The following NOX4 variants were observed in gnomAD, a reference collection of about 807,000 sequenced individuals.
The protein encoded by NOX4 is kidney oxidase-1.
NOX4 carries 69 observed loss-of-function variants against 87.6 expected under a neutral mutation model. That is an observed-to-expected ratio of 0.79 (90% CI 0.65 to 0.96). NOX4 has a LOEUF of 0.96. NOX4 is among the 40% of genes least tolerant of loss of function. NOX4 has a pLI of 0.00. For missense variants in NOX4, 680 were observed against 681.5 expected (o/e 1.00, Z 0.02); for synonymous variants, 275 against 238.2 (o/e 1.15, Z -1.42).
chr11:89,374,875 C>T (rs1207531180), intron 11 of NOX4, among the ~76,000 whole-genome samples: 1 of 152,054 alleles, frequency 6.6e-6, no homozygotes, highest in Non-Finnish European at 1.5e-5. Context: ...TAAAGCAAGT[C>T]CAAGACTTCA....
At chr11:89,411,528 C>T (rs1942476624) in intron 8 of NOX4, among the ~76,000 whole-genome samples, 1 of 152,086 alleles carries the variant, frequency 6.6e-6, no homozygotes, top group Non-Finnish European at 1.5e-5. Context: ...TGGAAGCATT[C>T]ACTACAAGCT....
At chr11:89,497,017 C>G (rs1197115940), upstream of NOX4, among the ~76,000 whole-genome samples, 4 of 152,178 alleles carry the variant, frequency 2.6e-5, no homozygotes, top group African/African-American at 9.7e-5. Flanking sequence ...GCTCCTTCCT[C>G]TACTTCATGT....
At chr11:89,346,730 T>C (rs1946230924) in intron 13 of NOX4, among the ~76,000 whole-genome samples, 1 of 152,186 alleles carries the variant, frequency 6.6e-6, no homozygotes, top group Non-Finnish European at 1.5e-5. Flanking sequence ...TGAGTTGTGC[T>C]CTCAGTCAGC....
intron 2 of NOX4, among the ~76,000 whole-genome samples, chr11:89,478,823 G>C (rs1044400770): frequency 6.6e-6 from 1 of 151,922 alleles, no homozygotes; most frequent in Non-Finnish European, 1.5e-5. Flanking sequence ...TTTTAAAAAT[G>C]TACAAAATCA....
intron 11 of NOX4, among the ~76,000 whole-genome samples, chr11:89,395,469 T>C (rs534353643): frequency 6.6e-6 from 1 of 152,324 alleles, no homozygotes; most frequent in South Asian, 2.1e-4. Context: ...TTCACTCTGA[T>C]GGTAGTTTCT....
intron 1 of NOX4, among the ~76,000 whole-genome samples, chr11:89,497,704 T>A (rs1309908233): frequency 6.6e-6 from 1 of 152,190 alleles, no homozygotes; most frequent in Non-Finnish European, 1.5e-5. Context: ...ATTGTGAAAT[T>A]CCCAAAGGCA....
chr11:89,386,047 G>C (rs1940678123), intron 11 of NOX4, among the ~76,000 whole-genome samples: 2 of 152,022 alleles, frequency 1.3e-5, no homozygotes, highest in South Asian at 4.1e-4. Context: ...ATGGACTAAT[G>C]GTCTTTTAAA....
At chr11:89,353,429 T>A (rs1337674752) in intron 13 of NOX4, among the ~76,000 whole-genome samples, 1 of 152,180 alleles carries the variant, frequency 6.6e-6, no homozygotes, top group Non-Finnish European at 1.5e-5. Flanking sequence ...AGTTTATGAC[T>A]TGCTGAAGGC....
the NOX4 span, among the ~76,000 whole-genome samples, chr11:89,566,798 G>A: frequency 2.6e-5 from 4 of 152,170 alleles, no homozygotes; most frequent in Admixed American, 6.5e-5. Context: ...CCAAGCACCA[G>A]GACTTGTTCC....
chr11:89,492,970 G>A (rs945881116), upstream of NOX4, among the ~76,000 whole-genome samples: 1 of 152,146 alleles, frequency 6.6e-6, no homozygotes, highest in Non-Finnish European at 1.5e-5. Flanking sequence ...TTAAAAAATG[G>A]CTCCAACTCT....
the NOX4 span, among the ~76,000 whole-genome samples, chr11:89,530,191 TG>T: frequency 6.6e-6 from 1 of 151,518 alleles, no homozygotes; most frequent in African/African-American, 2.4e-5. Context: ...CCAAATCCCA[TG>T]TTCTTTCCAG....
the NOX4 span, among the ~76,000 whole-genome samples, chr11:89,560,976 C>CTCTT: frequency 1.4e-5 from 1 of 71,924 alleles, no homozygotes; most frequent in Non-Finnish European, 2.5e-5. Context: ...CTCTCTCTCT[C>CTCTT]TCTCTCTCTC....
chr11:89,374,026 C>G (rs1324846174), intron 11 of NOX4, among the ~76,000 whole-genome samples: 1 of 151,936 alleles, frequency 6.6e-6, no homozygotes, highest in Non-Finnish European at 1.5e-5. Context: ...GTGAGGGTAG[C>G]TGGGGAGAGG....
At chr11:89,535,923 G>A in the NOX4 span, among the ~76,000 whole-genome samples, 8 of 152,182 alleles carry the variant, frequency 5.3e-5, no homozygotes, top group East Asian at 1.5e-3. Flanking sequence ...AAAGATAGAA[G>A]CACTGAGTAA....
At chr11:89,497,129 A>G (rs75570387), upstream of NOX4, among the ~76,000 whole-genome samples, 1,338 of 152,322 alleles carry the variant, frequency 8.8e-3, 20 homozygotes, top group African/African-American at 0.031. Flanking sequence ...CCAGGTGTGT[A>G]GAGATTTACC....
the NOX4 span, among the ~76,000 whole-genome samples, chr11:89,570,473 T>C: frequency 6.6e-6 from 1 of 152,108 alleles, no homozygotes; most frequent in Admixed American, 6.6e-5. Context: ...GTAACAAACC[T>C]GTATATGTAC....
intron 12 of NOX4, among the ~76,000 whole-genome samples, chr11:89,368,507 T>A (rs1183572877): frequency 6.6e-6 from 1 of 152,064 alleles, no homozygotes; most frequent in Non-Finnish European, 1.5e-5. Flanking sequence ...GCTGTGTCCT[T>A]ACATAACAGA....
chr11:89,335,721 T>A (rs1945677784), intron 17 of NOX4, 124 bp downstream of exon 17: 1 of 508,718 alleles, frequency 2.0e-6, no homozygotes, highest in Non-Finnish European at 3.5e-6. Flanking sequence ...AGTGAAAGAG[T>A]GTTTCAGTGA....
At chr11:89,567,843 A>G in the NOX4 span, among the ~76,000 whole-genome samples, 1 of 152,168 alleles carries the variant, frequency 6.6e-6, no homozygotes, top group African/African-American at 2.4e-5. Context: ...GCTGGTGCCT[A>G]TGTGCATGGA....
Sources: allele counts gnomAD v4.1 joint callset (sites outside exome capture counted in the v4.1 genomes callset), GRCh38; gene constraint gnomAD v4.1.1; transcripts MANE v1.5; gene names NCBI Gene and HGNC (gene_info 2026-07-23, HGNC 2026-07-21).